The following ASPRV1 variants were observed in gnomAD, a reference collection of about 807,000 sequenced individuals.
The protein encoded by ASPRV1 is retroviral-like aspartic protease 1.
Under a neutral mutation model 11.0 loss-of-function variants are expected in ASPRV1, and 7 were observed. That is an observed-to-expected ratio of 0.64 (90% confidence interval 0.36 to 1.20). ASPRV1 has a LOEUF of 1.20. Among genes scored for constraint, ASPRV1 ranks in the 50% most tolerant of loss-of-function variants. The pLI is 0.02. For missense variants in ASPRV1, 299 were observed against 320.0 expected (o/e 0.93, Z 0.50); for synonymous variants, 136 against 138.4 (o/e 0.98, Z 0.12).
At chr2:69,942,860 CAT>C in the ASPRV1 span, 2 of 152,102 alleles carry the variant, frequency 1.3e-5, no homozygotes, top group African/African-American at 2.4e-5. Flanking sequence ...GAAACTACTA[CAT>C]GTTTTAGAGA....
chr2:70,019,950 T>C, the ASPRV1 span, among the ~76,000 whole-genome samples: 10 of 152,184 alleles, frequency 6.6e-5, no homozygotes, highest in Admixed American at 1.3e-4. Context: ...GCAATGCATA[T>C]GTTCAATAGG....
downstream of ASPRV1, among the ~76,000 whole-genome samples, chr2:69,957,648 G>C (rs1677970416): frequency 6.6e-6 from 1 of 151,900 alleles, no homozygotes; most frequent in African/African-American, 2.4e-5. Flanking sequence ...TCTGGGTGGG[G>C]ATGGAGAGTC....
At chr2:70,081,958 A>AG in the ASPRV1 span, among the ~76,000 whole-genome samples, 2 of 152,048 alleles carry the variant, frequency 1.3e-5, no homozygotes, top group East Asian at 3.9e-4. Context: ...TAAAAAAAAA[A>AG]GCTACGTTAG....
the ASPRV1 span, chr2:70,086,242 G>A: frequency 2.0e-5 from 3 of 152,158 alleles, no homozygotes; most frequent in Non-Finnish European, 2.9e-5. Flanking sequence ...CGTTGGCGAC[G>A]AATGCTAACC....
the ASPRV1 span, among the ~76,000 whole-genome samples, chr2:70,005,660 C>T: frequency 1.9e-4 from 29 of 150,814 alleles, no homozygotes; most frequent in African/African-American, 7.1e-4. Context: ...TTGAGAATAG[C>T]TGAGCCACAT....
the ASPRV1 span, among the ~76,000 whole-genome samples, chr2:70,082,054 T>G: frequency 6.6e-6 from 1 of 152,080 alleles, no homozygotes; most frequent in South Asian, 2.1e-4. Context: ...CTCAGCTCAC[T>G]GCAACCTCTG....
At chr2:70,058,070 A>G in the ASPRV1 span, among the ~76,000 whole-genome samples, 1 of 152,204 alleles carries the variant, frequency 6.6e-6, no homozygotes, top group African/African-American at 2.4e-5. Context: ...GGCGTGAGCC[A>G]ACACGCATGG....
chr2:69,972,610 A>G, the ASPRV1 span, among the ~76,000 whole-genome samples: 3 of 152,080 alleles, frequency 2.0e-5, no homozygotes, highest in African/African-American at 7.2e-5. Flanking sequence ...TGCCTGCCTC[A>G]GCCTCCTAAA....
At chr2:70,017,700 TC>T in the ASPRV1 span, among the ~76,000 whole-genome samples, 3 of 151,896 alleles carry the variant, frequency 2.0e-5, no homozygotes, top group Non-Finnish European at 4.4e-5. Flanking sequence ...GGATACAAAA[TC>T]AACATGCATT....
the ASPRV1 span, chr2:70,018,259 CGAAA>C: frequency 6.6e-6 from 1 of 151,658 alleles, no homozygotes; most frequent in African/African-American, 2.4e-5. Context: ...GAAACACTGA[CGAAA>C]GAAACTGAAG....
At chr2:70,021,844 A>G in the ASPRV1 span, among the ~76,000 whole-genome samples, 1 of 151,094 alleles carries the variant, frequency 6.6e-6, no homozygotes. Context: ...CTGGGACTAC[A>G]GGAGTGTGCC....
the ASPRV1 span, among the ~76,000 whole-genome samples, chr2:70,026,936 C>T: frequency 6.0e-4 from 91 of 152,156 alleles, no homozygotes; most frequent in African/African-American, 2.1e-3. Flanking sequence ...CATCGCACTA[C>T]CTGACTTCAA....
In ASPRV1 at chr2:69,961,163, C is replaced by T; in HGVS notation, c.274G>A (p.Gly92Arg). 1 of 1,613,880 alleles carries T rather than the reference C, an allele frequency of 6.2e-7. No individual in the cohort carries two copies. Among genetic ancestry groups the T allele is most frequent in the Non-Finnish European group, 8.5e-7 (1 of 1,179,854 alleles). Reference protein sequence around the residue: ...EALLKAFGVPGAAPSHLPKEI... With the variant: ...EALLKAFGVPRAAPSHLPKEI... Reference sequence around the variant, plus strand: ...TTGGGCAGGTGGCTGGGGGCAGCCCCAGGGACCCCAAAGGCCTTCAGGAGG... The same window carrying T: ...TTGGGCAGGTGGCTGGGGGCAGCCCTAGGGACCCCAAAGGCCTTCAGGAGG... The change falls in exon 1 of 1, where the codon GGG becomes AGG. Residue 92 changes from glycine to arginine, a missense_variant. Transcript: ENST00000320256.
chr2:70,058,551 A>ATTTTTTTTTTTTTTTTTTTTTTTTTT, the ASPRV1 span, among the ~76,000 whole-genome samples: 1 of 138,694 alleles, frequency 7.2e-6, no homozygotes, highest in Non-Finnish European at 1.6e-5. Flanking sequence ...CTCTGAAGAA[A>ATTTTTTTTTTTTTTTTTTTTTTTTTT]TTTTTTTTTT....
At chr2:69,969,918 G>C in the ASPRV1 span, among the ~76,000 whole-genome samples, 1 of 148,998 alleles carries the variant, frequency 6.7e-6, no homozygotes, top group Non-Finnish European at 1.5e-5. Context: ...TTTTGGTAAA[G>C]ACAGGGTCTC....
chr2:69,951,578 CATAT>C, the ASPRV1 span, among the ~76,000 whole-genome samples: 7 of 146,264 alleles, frequency 4.8e-5, no homozygotes, highest in African/African-American at 1.8e-4. Flanking sequence ...TATATATAAA[CATAT>C]ATATAGATAG....
chr2:69,966,532 T>C (rs532551469), upstream of ASPRV1, among the ~76,000 whole-genome samples: 1 of 152,318 alleles, frequency 6.6e-6, no homozygotes, highest in African/African-American at 2.4e-5. Flanking sequence ...GTAACACAGG[T>C]CTCCAGACAG....
chr2:70,051,770 T>C, the ASPRV1 span, among the ~76,000 whole-genome samples: 1 of 151,988 alleles, frequency 6.6e-6, no homozygotes, highest in Admixed American at 6.6e-5. Context: ...ACCTAGGAGT[T>C]TGAGACCAGA....
chr2:69,960,454 C>T lies in ASPRV1; in HGVS notation c.*203G>A. The T allele has an allele frequency of 1.7e-6, 1 of 587,028 alleles. No homozygotes were observed. 36.4% of individuals were successfully genotyped at this position (587,028 alleles called of 1,614,324 possible). Reference sequence around the variant, plus strand: ...CCCTGTCCCTCTAAGCCAGCCTGCTCTCCCTCACCTGTGCCTGTTCAGTGG... The same window carrying T: ...CCCTGTCCCTCTAAGCCAGCCTGCTTTCCCTCACCTGTGCCTGTTCAGTGG... On this transcript the variant is annotated 3_prime_UTR_variant, in exon 1 of 1. Transcript: ENST00000320256.
Sources: gnomAD v4.1 joint callset for allele counts (sites outside exome capture counted in the v4.1 genomes callset) on GRCh38, gnomAD v4.1.1 for gene constraint, MANE v1.5 for transcripts, NCBI Gene and HGNC (gene_info 2026-07-23, HGNC 2026-07-21) for gene names.